The following TBC1D9 variants were observed in gnomAD, a reference collection of about 807,000 sequenced individuals.
The protein encoded by TBC1D9 is TBC1 domain family member 9.
In TBC1D9, 63 loss-of-function variants were observed where a neutral mutation model predicts 132.0. The observed-to-expected ratio is 0.48, with a 90% confidence interval of 0.39 to 0.59. The LOEUF (loss-of-function observed/expected upper bound fraction) is 0.59. TBC1D9 is among the 20% of genes least tolerant of loss of function. The pLI is 0.00. For missense variants in TBC1D9, 1,261 were observed against 1,592.7 expected (o/e 0.79, Z 3.54); for synonymous variants, 610 against 609.9 (o/e 1.00, Z 0.00).
intron 1 of TBC1D9, among the ~76,000 whole-genome samples, chr4:140,745,478 C>T (rs1449481584): frequency 6.6e-6 from 1 of 152,204 alleles, no homozygotes; most frequent in Admixed American, 6.5e-5. Context: ...AACTCCTCTT[C>T]CTCAGCCTAC....
At chr4:140,698,173 T>C (rs1034623697) in intron 2 of TBC1D9, among the ~76,000 whole-genome samples, 5 of 152,210 alleles carry the variant, frequency 3.3e-5, no homozygotes, top group African/African-American at 1.2e-4. Context: ...GCACTTTCAC[T>C]TCTACGGGCT....
chr4:140,661,234 G>C (rs1275775194), intron 10 of TBC1D9, among the ~76,000 whole-genome samples: 1 of 152,112 alleles, frequency 6.6e-6, no homozygotes, highest in East Asian at 1.9e-4. Flanking sequence ...TTGATTCTAA[G>C]GTCACGTTAT....
chr4:140,750,171 A>AT (rs397785578), intron 1 of TBC1D9, among the ~76,000 whole-genome samples: 6 of 151,620 alleles, frequency 4.0e-5, no homozygotes, highest in African/African-American at 7.3e-5. Context: ...AAAAAAAAAA[A>AT]TTTTACAAAA....
chr4:140,679,306 G>A (rs1737671152), intron 4 of TBC1D9, 103 bp from the exon 5 acceptor site: 1 of 1,236,126 alleles, frequency 8.1e-7, no homozygotes, highest in African/African-American at 1.5e-5. Flanking sequence ...GAACTCCTTT[G>A]AGTTTATAAT....
At chr4:140,679,257 A>G in intron 4 of TBC1D9, 54 bp from the exon 5 acceptor site, 4 of 1,564,990 alleles carry the variant, frequency 2.6e-6, no homozygotes, top group Non-Finnish European at 3.5e-6. Context: ...AACGCTTTCA[A>G]GATATTGCAG....
At position 140,687,323 on chromosome 4, in the gene TBC1D9, G is replaced by A. The variant is rs370899185; in HGVS notation, c.242-861C>T. Among the ~76,000 whole-genome samples the A allele has an allele frequency of 3.4e-3, 226 of 67,214 alleles. 1 individual carries two copies. The highest frequency in any genetic ancestry group is 9.3e-3 in the Middle Eastern group (1 of 108). 44.1% of individuals were successfully genotyped at this position (67,214 alleles called of 152,430 possible). A position where few individuals can be genotyped will look rare whatever the true frequency, so the allele number is the denominator to read the frequency against. On this transcript the variant is annotated intron_variant, in intron 2 of 20. Coordinates refer to ENST00000442267, the MANE Select transcript of TBC1D9 (RefSeq NM_015130.3). ...ATATATGTGTGCCATATATATATATGTGTGTGTGTGTGTGTGTGTCATATA... is the reference window on the plus strand; with the variant it reads ...ATATATGTGTGCCATATATATATATATGTGTGTGTGTGTGTGTGTCATATA...
At chr4:140,724,507 T>C (rs1284029525) in intron 1 of TBC1D9, among the ~76,000 whole-genome samples, 2 of 152,164 alleles carry the variant, frequency 1.3e-5, no homozygotes, top group Non-Finnish European at 2.9e-5. Flanking sequence ...CAAGATTCTC[T>C]TTGAATTTTA....
intron 16 of TBC1D9, among the ~76,000 whole-genome samples, chr4:140,632,267 T>TC (rs1269931099): frequency 1.3e-5 from 2 of 151,902 alleles, no homozygotes; most frequent in East Asian, 3.9e-4. Flanking sequence ...CAAAGGTTTT[T>TC]TTTTTTTAAA....
At chr4:140,666,740 A>AG (rs943290845) in intron 9 of TBC1D9, among the ~76,000 whole-genome samples, 3 of 152,036 alleles carry the variant, frequency 2.0e-5, no homozygotes, top group African/African-American at 7.3e-5. Flanking sequence ...ATACTAAAAA[A>AG]AAAAAACCAC....
chr4:140,659,524 C>T (rs1737325689), intron 11 of TBC1D9, 64 bp downstream of exon 11: 2 of 1,164,824 alleles, frequency 1.7e-6, no homozygotes, highest in South Asian at 2.9e-5. Context: ...TTCTGGCTGG[C>T]ACCTCTCTAA....
intron 13 of TBC1D9, among the ~76,000 whole-genome samples, chr4:140,651,681 T>C (rs1189295827): frequency 4.6e-5 from 7 of 152,204 alleles, no homozygotes; most frequent in Non-Finnish European, 5.9e-5. Context: ...CTGTTAGAGA[T>C]ACATTCTTTT....
intron 16 of TBC1D9, among the ~76,000 whole-genome samples, chr4:140,628,776 A>G (rs1736749901): frequency 6.6e-6 from 1 of 152,244 alleles, no homozygotes; most frequent in Non-Finnish European, 1.5e-5. Context: ...AACATCTTAA[A>G]TAACTATTAG....
intron 1 of TBC1D9, among the ~76,000 whole-genome samples, chr4:140,729,743 C>T (rs1738557532): frequency 1.4e-5 from 2 of 139,092 alleles, no homozygotes; most frequent in South Asian, 4.8e-4. Flanking sequence ...TTGCTTGAAT[C>T]CCGGAGGCAG....
chr4:140,662,767 C>A (rs1737384297), intron 9 of TBC1D9, among the ~76,000 whole-genome samples: 1 of 152,106 alleles, frequency 6.6e-6, no homozygotes, highest in Non-Finnish European at 1.5e-5. Context: ...GTTTAGGATT[C>A]TTCAAGACAG....
intron 6 of TBC1D9, among the ~76,000 whole-genome samples, chr4:140,673,840 A>G (rs1737580698): frequency 6.6e-6 from 1 of 152,234 alleles, no homozygotes; most frequent in Admixed American, 6.5e-5. Context: ...AATTCCTCCA[A>G]GATCTCAACA....
At chr4:140,687,343 C>CATATATATATAT (rs200090051) in intron 2 of TBC1D9, among the ~76,000 whole-genome samples, 44 of 37,848 alleles carry the variant, frequency 1.2e-3, no homozygotes, top group Non-Finnish European at 1.9e-3. Flanking sequence ...GTGTGTGTGT[C>CATATATATATAT]ATATATATAT....
intron 18 of TBC1D9, among the ~76,000 whole-genome samples, chr4:140,626,036 A>G (rs1736705698): frequency 6.6e-6 from 1 of 152,232 alleles, no homozygotes; most frequent in Non-Finnish European, 1.5e-5. Context: ...TTGGCATGTG[A>G]CCATTTCTGA....
rs1269570324 is a variant in TBC1D9 at position 140,643,436 on chromosome 4, GA to G, written c.2338-4009del. 1.2e-4 allele frequency: 111 copies of G among 942,412 alleles called. No homozygotes were observed. In the African/African-American group the frequency reaches 1.6e-3, roughly 14 times the overall value. The allele number at this position is 942,412 out of a possible 1,614,324, so 58.4% of individuals were successfully genotyped here. ...CCAGTGGGTCTTCCAGGCCGGGCAG[GA>G]ACTGCTCAGAGCTTGCCTCTTCCAG... On this transcript the variant is annotated intron_variant, in intron 13 of 20. Coordinates refer to ENST00000442267, the MANE Select transcript of TBC1D9 (RefSeq NM_015130.3).
intron 1 of TBC1D9, among the ~76,000 whole-genome samples, chr4:140,725,435 C>T (rs1359654872): frequency 6.6e-6 from 1 of 152,168 alleles, no homozygotes; most frequent in Non-Finnish European, 1.5e-5. Context: ...AACATCTGAA[C>T]CCCTGTCAGG....
Sources: gnomAD v4.1 joint callset for allele counts (sites outside exome capture counted in the v4.1 genomes callset) on GRCh38, gnomAD v4.1.1 for gene constraint, MANE v1.5 for transcripts, NCBI Gene and HGNC (gene_info 2026-07-23, HGNC 2026-07-21) for gene names.